Variants in ITPRID1 observed in about 807,000 individuals in gnomAD.
ITPRID1 encodes the protein ITPR interacting domain containing 1.
Under a neutral mutation model 95.4 loss-of-function variants are expected in ITPRID1, and 96 were observed. The observed-to-expected ratio is 1.01, with a 90% CI of 0.85 to 1.19. The LOEUF is 1.19. ITPRID1 is among the 50% of genes most tolerant of loss of function. ITPRID1 has a pLI of 0.00. For synonymous variants in ITPRID1, 510 were observed against 453.6 expected, an observed-to-expected ratio of 1.12 and a Z score of -1.58; for missense variants, 1,339 against 1,252.9, an observed-to-expected ratio of 1.07 and a Z score of -1.04.
chr7:31,620,386 C>T (rs1189034859), intron 10 of ITPRID1, among the ~76,000 whole-genome samples: 7 of 151,852 alleles, frequency 4.6e-5, no homozygotes, highest in African/African-American at 9.7e-5. Context: ...ACACCTCACA[C>T]GGCCGGGTAC....
intron 10 of ITPRID1, among the ~76,000 whole-genome samples, chr7:31,614,636 T>C (rs1466972106): frequency 6.6e-6 from 1 of 152,168 alleles, no homozygotes; most frequent in African/African-American, 2.4e-5. Flanking sequence ...TGGAATTAAT[T>C]GATTAACTGA....
At position 31,583,091 on chromosome 7, in the gene ITPRID1, T is replaced by G. The variant is rs1211292432; in HGVS notation, c.1171-43T>G. 5 of 1,426,732 alleles carry G rather than the reference T, an allele frequency of 3.5e-6. No individual in the cohort carries two copies. The African/African-American group carries it at 7.0e-5, about 20-fold the overall frequency. 88.4% of individuals were successfully genotyped at this position (1,426,732 alleles called of 1,614,324 possible). A position where few individuals can be genotyped will look rare whatever the true frequency, so the allele number is the denominator to read the frequency against. ...TGTTGATTAAAATAAGTGAATTTAT[T>G]TGACAAAATTTCTAATGACATTGAT... On this transcript the variant is annotated intron_variant, in intron 9 of 14. Coordinates refer to ENST00000615280, the MANE Select transcript of ITPRID1 (RefSeq NM_001257967.3).
chr7:31,541,745 C>T (rs1035660031), intron 1 of ITPRID1, among the ~76,000 whole-genome samples: 1 of 152,082 alleles, frequency 6.6e-6, no homozygotes, highest in Non-Finnish European at 1.5e-5. Context: ...ATGTTAAACT[C>T]AATTTTTAAT....
At chr7:31,618,778 G>A (rs1298146870) in intron 10 of ITPRID1, among the ~76,000 whole-genome samples, 2 of 152,198 alleles carry the variant, frequency 1.3e-5, no homozygotes, top group African/African-American at 2.4e-5. Flanking sequence ...TTGGCATCAG[G>A]ATGAAACCCA....
chr7:31,528,388 G>A (rs1374632502), intron 1 of ITPRID1, among the ~76,000 whole-genome samples: 4 of 152,122 alleles, frequency 2.6e-5, no homozygotes, highest in Non-Finnish European at 2.9e-5. Context: ...ATGGCATTTC[G>A]GTTAAAGTAT....
intron 1 of ITPRID1, among the ~76,000 whole-genome samples, chr7:31,522,059 C>T (rs1783281204): frequency 6.6e-6 from 1 of 151,958 alleles, no homozygotes; most frequent in South Asian, 2.1e-4. Context: ...TATTTTCTTA[C>T]CCCAAAATTA....
chr7:31,540,869 A>G (rs1382363860), intron 1 of ITPRID1, among the ~76,000 whole-genome samples: 1 of 152,156 alleles, frequency 6.6e-6, no homozygotes, highest in Non-Finnish European at 1.5e-5. Flanking sequence ...GTGTACACAA[A>G]ATATAAGGCC....
At position 31,648,878 on chromosome 7, in the gene ITPRID1, G is replaced by A. The variant is rs557894770; in HGVS notation, c.2584-2264G>A. 3.3e-4 allele frequency among the ~76,000 whole-genome samples: 50 copies of A among 152,316 alleles called. 1 individual carries two copies. The highest frequency in any genetic ancestry group is 9.6e-4 in the East Asian group (5 of 5,192). ...AAGAAATGAAACAAGAGATGGGTTC[G>A]AAATCTTACTGCCATTTTTTGACCA... On this transcript the variant is annotated intron_variant, in intron 12 of 14. Coordinates refer to ENST00000615280, the MANE Select transcript of ITPRID1 (RefSeq NM_001257967.3).
intron 5 of ITPRID1, among the ~76,000 whole-genome samples, chr7:31,566,563 A>C (rs956024948): frequency 6.6e-6 from 1 of 152,238 alleles, no homozygotes; most frequent in Admixed American, 6.5e-5. Context: ...AAAGTAGTAG[A>C]TAGAACTGCT....
At chr7:31,585,368 T>C (rs1438254052) in intron 10 of ITPRID1, among the ~76,000 whole-genome samples, 2 of 152,158 alleles carry the variant, frequency 1.3e-5, no homozygotes, top group Admixed American at 6.5e-5. Flanking sequence ...TTTGAACAAA[T>C]TGACTTCATA....
chr7:31,615,678 G>GATCATTACTAATAACATAC (rs1454240519), intron 10 of ITPRID1, among the ~76,000 whole-genome samples: 1 of 134,070 alleles, frequency 7.5e-6, no homozygotes, highest in African/African-American at 2.7e-5. Context: ...ACATGACCAA[G>GATCATTACTAATAACATAC]ATCATTACTA....
intron 1 of ITPRID1, among the ~76,000 whole-genome samples, chr7:31,547,109 C>G (rs1339081956): frequency 6.3e-5 from 9 of 141,968 alleles, no homozygotes; most frequent in Non-Finnish European, 1.4e-4. Context: ...AGTTGACCAC[C>G]AGCATACTGA....
intron 7 of ITPRID1, among the ~76,000 whole-genome samples, chr7:31,572,475 T>C (rs1785025659): frequency 6.6e-6 from 1 of 152,140 alleles, no homozygotes; most frequent in South Asian, 2.1e-4. Context: ...CATATTGGCT[T>C]AGAAAGCTCT....
intron 10 of ITPRID1, among the ~76,000 whole-genome samples, chr7:31,615,616 C>A (rs1008106346): frequency 4.6e-5 from 7 of 151,622 alleles, no homozygotes; most frequent in Admixed American, 3.9e-4. Flanking sequence ...AATGGAGATT[C>A]TTTGAGTCTT....
At chr7:31,586,094 GTTTT>G (rs1785592252) in intron 10 of ITPRID1, among the ~76,000 whole-genome samples, 1 of 141,342 alleles carries the variant, frequency 7.1e-6, no homozygotes, top group African/African-American at 2.7e-5. Flanking sequence ...GCGGTGTTTG[GTTTT>G]TTGTTCTTGC....
chr7:31,636,417 G>A (rs1395147471), intron 10 of ITPRID1, among the ~76,000 whole-genome samples: 1 of 152,140 alleles, frequency 6.6e-6, no homozygotes, highest in African/African-American at 2.4e-5. Context: ...TAACTGCTTC[G>A]AGATTGTTTG....
intron 10 of ITPRID1, among the ~76,000 whole-genome samples, chr7:31,585,786 G>T (rs1003828259): frequency 1.3e-5 from 2 of 151,874 alleles, no homozygotes; most frequent in African/African-American, 4.8e-5. Flanking sequence ...AAGTTATTCA[G>T]AATAAATGTC....
At chr7:31,642,388 T>C (rs138801296) in intron 11 of ITPRID1, 130 bp downstream of exon 11, 18 of 704,172 alleles carry the variant, frequency 2.6e-5, no homozygotes, top group African/African-American at 5.4e-5. Context: ...CAAGCCACAA[T>C]TGGAAAGGTT....
intron 10 of ITPRID1, among the ~76,000 whole-genome samples, chr7:31,583,698 G>T (rs1164274719): frequency 6.6e-6 from 1 of 152,098 alleles, no homozygotes; most frequent in Non-Finnish European, 1.5e-5. Flanking sequence ...AAAGACCACA[G>T]AAACGTTCAA....
Sources: gnomAD v4.1 joint callset for allele counts (sites outside exome capture counted in the v4.1 genomes callset) on GRCh38, gnomAD v4.1.1 for gene constraint, MANE v1.5 for transcripts, NCBI Gene and HGNC (gene_info 2026-07-23, HGNC 2026-07-21) for gene names.